The following MCF2L variants were observed in gnomAD, a reference collection of about 807,000 sequenced individuals.
MCF2L encodes MCF.2 cell line derived transforming sequence like.
A neutral mutation model predicts 153.4 loss-of-function variants in MCF2L; 97 were observed. That is an observed-to-expected ratio of 0.63 (90% CI 0.54 to 0.75). The LOEUF is 0.75. Ranked by LOEUF, MCF2L falls within the 30% of genes least tolerant of loss-of-function variation. The pLI, the probability that MCF2L is intolerant of heterozygous loss-of-function variation, is 0.00. For synonymous variants in MCF2L, 659 were observed against 632.2 expected (o/e 1.04, Z -0.64); for missense variants, 1,347 against 1,495.2 (o/e 0.90, Z 1.64).
intron 2 of MCF2L, among the ~76,000 whole-genome samples, chr13:112,959,813 A>C (rs1339887958): frequency 6.6e-6 from 1 of 152,216 alleles, no homozygotes; most frequent in Non-Finnish European, 1.5e-5. Flanking sequence ...TGTCCACAGC[A>C]GCAACGCACC....
intron 2 of MCF2L, among the ~76,000 whole-genome samples, chr13:112,961,157 C>A (rs369575954): frequency 1.3e-5 from 2 of 152,210 alleles, no homozygotes; most frequent in African/African-American, 4.8e-5. Flanking sequence ...TGTGAGCACA[C>A]GGCAGAGCCC....
chr13:112,924,962 G>A (rs1311793811), intron 2 of MCF2L, among the ~76,000 whole-genome samples: 4 of 152,210 alleles, frequency 2.6e-5, no homozygotes, highest in African/African-American at 9.6e-5. Flanking sequence ...AAGGCAGCAT[G>A]TAAATTTCGT....
chr13:113,027,817 G>C lies in MCF2L; in HGVS notation c.278+3059G>C, dbSNP rs1479231763. Among the ~76,000 whole-genome samples the C allele has an allele frequency of 1.3e-5, 2 of 152,202 alleles. No individual in the cohort carries two copies. Among genetic ancestry groups the C allele is most frequent in the East Asian group, 3.9e-4 (2 of 5,190 alleles). Reference sequence around the variant, plus strand: ...CTGGAGAAAGGGGATGGCTGGGCAGGGGAGCGCCCGAAGGCTCAGACCACA... The same window carrying C: ...CTGGAGAAAGGGGATGGCTGGGCAGCGGAGCGCCCGAAGGCTCAGACCACA... On this transcript the variant is annotated intron_variant, in intron 3 of 29. Transcript: ENST00000535094. This position sits in a 1 kb window ranked among gnomAD's most constrained non-coding sequence, Gnocchi z 4.8.
intron 2 of MCF2L, among the ~76,000 whole-genome samples, chr13:112,912,872 T>C (rs1235361231): frequency 8.1e-5 from 12 of 148,362 alleles, no homozygotes; most frequent in African/African-American, 3.1e-4. Flanking sequence ...ATGGGGTGTG[T>C]CTGTGTGTGA....
intron 2 of MCF2L, among the ~76,000 whole-genome samples, chr13:112,923,845 T>C (rs2081377681): frequency 6.6e-6 from 1 of 152,194 alleles, no homozygotes; most frequent in South Asian, 2.1e-4. Context: ...CTGTGTTTTA[T>C]CTTTCTTTAC....
chr13:112,908,221 G>A (rs1191645373), intron 2 of MCF2L, among the ~76,000 whole-genome samples: 1 of 152,332 alleles, frequency 6.6e-6, no homozygotes, highest in East Asian at 1.9e-4. Context: ...TGGGGGCACA[G>A]GTGCTCTGAC....
intron 2 of MCF2L, among the ~76,000 whole-genome samples, chr13:112,922,584 G>A (rs1023526346): frequency 2.0e-5 from 3 of 149,916 alleles, no homozygotes; most frequent in Non-Finnish European, 3.0e-5. Flanking sequence ...TGTAATCCTA[G>A]CACTTTGGGA....
Position 113,045,246 on chromosome 13 carries a change from C to T in MCF2L, c.279-25C>T, listed in dbSNP as rs1391493581. On this transcript the variant is annotated intron_variant, in intron 3 of 29. Transcript: ENST00000535094. This position sits in a 1 kb window ranked among gnomAD's most constrained non-coding sequence, Gnocchi z 4.2. ...CCGGCTTCCCACCTGCACACATTAACGGCGGCGTCTCTTCCTCACTGCAGC... is the reference window on the plus strand; with the variant it reads ...CCGGCTTCCCACCTGCACACATTAATGGCGGCGTCTCTTCCTCACTGCAGC... 1.6e-5 allele frequency: 26 copies of T among 1,587,898 alleles called. No individual in the cohort carries two copies. Among genetic ancestry groups the T allele is most frequent in the Non-Finnish European group, 2.1e-5 (24 of 1,156,646 alleles).
intron 13 of MCF2L, 31 bp from the exon 14 acceptor site, chr13:113,078,332 C>T (rs2033726551): frequency 6.3e-7 from 1 of 1,581,582 alleles, no homozygotes; most frequent in East Asian, 2.2e-5. Flanking sequence ...TCAGAGGGGA[C>T]TTCATGCCCC....
At position 113,046,975 on chromosome 13, in the gene MCF2L, C is replaced by G; in HGVS notation, c.369+1614C>G. The G allele has an allele frequency of 5.2e-6, 1 of 190,608 alleles. No homozygotes were observed. The highest frequency in any genetic ancestry group is 1.1e-5 in the Non-Finnish European group (1 of 92,724). 11.8% of individuals were successfully genotyped at this position (190,608 alleles called of 1,614,324 possible). A position where few individuals can be genotyped will look rare whatever the true frequency, so the allele number is the denominator to read the frequency against. On this transcript the variant is annotated intron_variant, in intron 4 of 29. Coordinates refer to ENST00000535094, the MANE Select transcript of MCF2L (RefSeq NM_001112732.3). The surrounding 1 kb of genome is among the most constrained non-coding windows in gnomAD (Gnocchi z 4.4). ...TTGGCTCACAGTTCTGCAGGCTGCA[C>G]AGGCTTAGCACCTGCATCTTCTCAG...
At position 112,969,301 on chromosome 13, in the gene MCF2L, C is replaced by T; in HGVS notation, c.-79C>T. The stretch of plus-strand genomic sequence containing the variant: ...CCCCGCCTCCGCCGCGCCCCCTCCG[C>T]ACTCGCACGGCCCCACCCGCAGGCG... On this transcript the variant is annotated 5_prime_UTR_variant, in exon 1 of 30. Coordinates refer to ENST00000535094, the MANE Select transcript of MCF2L (RefSeq NM_001112732.3). This position sits in a 1 kb window ranked among gnomAD's most constrained non-coding sequence, Gnocchi z 4.8. The T allele has an allele frequency of 6.5e-7, 1 of 1,528,666 alleles. No homozygotes were observed. The highest frequency in any genetic ancestry group is 8.8e-7 in the Non-Finnish European group (1 of 1,132,808). 94.7% of individuals were successfully genotyped at this position (1,528,666 alleles called of 1,614,324 possible).
rs2081150976 is a variant in MCF2L at position 112,904,389 on chromosome 13, C to G, written c.169+2018C>G. 6.6e-6 allele frequency among the ~76,000 whole-genome samples: 1 copy of G among 152,180 alleles called. No individual in the cohort carries two copies. The highest frequency in any genetic ancestry group is 2.4e-5 in the African/African-American group (1 of 41,440). Reference sequence around the variant, plus strand: ...CTGGCTTTGTTCCTGCCCCTGCTGACCCCACAAGCTTGGGTGGGTTGAGAA... The same window carrying G: ...CTGGCTTTGTTCCTGCCCCTGCTGAGCCCACAAGCTTGGGTGGGTTGAGAA... On this transcript the variant is annotated intron_variant, in intron 2 of 29. Coordinates refer to the MCF2L transcript ENST00000375608. This position sits in a 1 kb window ranked among gnomAD's most constrained non-coding sequence, Gnocchi z 4.2.
chr13:112,962,250 C>A (rs1297090025), intron 2 of MCF2L, among the ~76,000 whole-genome samples: 1 of 152,034 alleles, frequency 6.6e-6, no homozygotes, highest in Non-Finnish European at 1.5e-5. Flanking sequence ...CACTTGCATG[C>A]AGACATGCTC....
chr13:112,979,607 C>T, intron 1 of MCF2L: 1 of 1,607,148 alleles, frequency 6.2e-7, no homozygotes, highest in Non-Finnish European at 8.5e-7. Context: ...CGCCTGTGGT[C>T]CCTGCGTGAA....
intron 1 of MCF2L, among the ~76,000 whole-genome samples, chr13:112,896,989 G>A (rs1322209967): frequency 6.6e-6 from 1 of 152,250 alleles, no homozygotes; most frequent in Non-Finnish European, 1.5e-5. Flanking sequence ...GGGCCATGCA[G>A]GCTGAGAGCC....
At chr13:112,915,739 C>T (rs1340842699) in intron 2 of MCF2L, among the ~76,000 whole-genome samples, 1 of 152,102 alleles carries the variant, frequency 6.6e-6, no homozygotes, top group East Asian at 1.9e-4. Flanking sequence ...CTTCCCATCT[C>T]GTCCCGAGTG....
chr13:112,958,929 C>T (rs1020712466), intron 2 of MCF2L, among the ~76,000 whole-genome samples: 1 of 152,164 alleles, frequency 6.6e-6, no homozygotes, highest in Non-Finnish European at 1.5e-5. Context: ...GAAGCAAATC[C>T]TGGGCGGGAG....
intron 1 of MCF2L, chr13:113,001,666 G>A (rs2083384206): frequency 2.3e-6 from 3 of 1,329,544 alleles, no homozygotes; most frequent in East Asian, 6.2e-5. Context: ...GATCGCAACA[G>A]TTAAGCTGCC....
chr13:112,966,571 A>G (rs957495727), upstream of MCF2L, among the ~76,000 whole-genome samples: 1 of 152,204 alleles, frequency 6.6e-6, no homozygotes, highest in Non-Finnish European at 1.5e-5. This position sits in a 1 kb window ranked among gnomAD's most constrained non-coding sequence, Gnocchi z 4.1. Flanking sequence ...CCAAGTTGAC[A>G]AGTAATAAAG....
Sources: gnomAD v4.1 joint callset for allele counts (sites outside exome capture counted in the v4.1 genomes callset) on GRCh38, gnomAD v4.1.1 for gene constraint, Gnocchi (gnomAD v3.1) non-coding constraint, MANE v1.5 for transcripts, NCBI Gene and HGNC (gene_info 2026-07-23, HGNC 2026-07-21) for gene names.